CADPS: variants seen among roughly 807,000 people sequenced by gnomAD.
CADPS encodes the protein calcium dependent secretion activator, also known as calcium-dependent secretion activator 1.
In CADPS, 57 loss-of-function variants were observed where a neutral mutation model predicts 167.3. The ratio of observed to expected loss-of-function variants is 0.34; its 90% CI spans 0.28 to 0.42. CADPS has a LOEUF of 0.42. Ranked by LOEUF, CADPS falls within the 20% of genes least tolerant of loss-of-function variation. The pLI, the probability that CADPS is intolerant of heterozygous loss-of-function variation, is 1.00. For missense variants in CADPS, 1,414 were observed against 1,738.1 expected (o/e 0.81, Z 3.32); for synonymous variants, 676 against 635.3 (o/e 1.06, Z -0.96).
chr3:62,427,393 A>G (rs1237746537), intron 28 of CADPS, among the ~76,000 whole-genome samples: 3 of 152,188 alleles, frequency 2.0e-5, no homozygotes, highest in Non-Finnish European at 2.9e-5. Context: ...TTTAAACTCA[A>G]ATAATCCATT....
chr3:62,438,109 A>G lies in CADPS; in HGVS notation c.3772T>C (p.Phe1258Leu). The change falls in exon 28 of 30, where the codon TTT becomes CTT. Residue 1258 changes from phenylalanine to leucine, a missense_variant. Around this residue, in one of 6 missense-constraint regions of CADPS, gnomAD observed 185 missense variants for 251.5 expected, o/e 0.74. Transcript: ENST00000383710. The surrounding 1 kb of genome is among the most constrained non-coding windows in gnomAD (Gnocchi z 4.7). Reference protein sequence around the residue: ...VNEEMYIERLFDQWYNSSMNV... With the variant: ...VNEEMYIERLLDQWYNSSMNV... The stretch of plus-strand genomic sequence containing the variant: ...AGGAGAAGGCATTTACTTACATCAA[A>G]TAACCTTTCTATGTACATCTCCTCA... 1 of 1,610,070 alleles carries G rather than the reference A, an allele frequency of 6.2e-7. No individual in the cohort carries two copies. Among genetic ancestry groups the G allele is most frequent in the Non-Finnish European group, 8.5e-7 (1 of 1,176,756 alleles).
chr3:62,803,876 TC>T (rs2093929307), intron 1 of CADPS, among the ~76,000 whole-genome samples: 1 of 152,070 alleles, frequency 6.6e-6, no homozygotes, highest in Non-Finnish European at 1.5e-5. Flanking sequence ...TTTGCCAATT[TC>T]TAGTCCCTCA....
At chr3:62,584,768 T>C (rs937054297) in intron 8 of CADPS, among the ~76,000 whole-genome samples, 1 of 152,226 alleles carries the variant, frequency 6.6e-6, no homozygotes, top group African/African-American at 2.4e-5. Context: ...TGTGAGTTGA[T>C]TGAAGGTGGC....
intron 8 of CADPS, among the ~76,000 whole-genome samples, chr3:62,583,014 G>C (rs2083745662): frequency 6.6e-6 from 1 of 152,142 alleles, no homozygotes; most frequent in African/African-American, 2.4e-5. Context: ...TCCTAGTACA[G>C]TGCTTCAGAG....
chr3:62,547,883 G>A (rs2076756499), intron 11 of CADPS, among the ~76,000 whole-genome samples: 1 of 152,050 alleles, frequency 6.6e-6, no homozygotes, highest in East Asian at 1.9e-4. Flanking sequence ...TTTTACTCCT[G>A]AATGTCCTTC....
chr3:62,477,567 A>T (rs901056989), intron 23 of CADPS, among the ~76,000 whole-genome samples: 24 of 152,126 alleles, frequency 1.6e-4, no homozygotes, highest in African/African-American at 5.1e-4. Context: ...GAATGGATGA[A>T]TGTTGTCCTC....
chr3:62,473,962 C>T, intron 24 of CADPS: 1 of 447,876 alleles, frequency 2.2e-6, no homozygotes, highest in East Asian at 3.5e-5. Context: ...CCAAGAATCA[C>T]TTCCAAGTGA....
intron 3 of CADPS, among the ~76,000 whole-genome samples, chr3:62,674,742 T>C (rs1482999572): frequency 6.6e-6 from 1 of 152,178 alleles, no homozygotes; most frequent in Non-Finnish European, 1.5e-5. Context: ...TGTGTGCAAA[T>C]GCACAAAGGT....
chr3:62,514,647 T>C lies in CADPS; in HGVS notation c.2581+1412A>G, dbSNP rs903016666. On this transcript the variant is annotated intron_variant, in intron 16 of 29. Transcript: ENST00000383710. This position sits in a 1 kb window ranked among gnomAD's most constrained non-coding sequence, Gnocchi z 4.2. Reference sequence around the variant, plus strand: ...AAGTTTGTTTTTGGATAGATTTATCTGAAAGAAGAGAGCAGATCTTACCAA... The same window carrying C: ...AAGTTTGTTTTTGGATAGATTTATCCGAAAGAAGAGAGCAGATCTTACCAA... 6.6e-6 allele frequency among the ~76,000 whole-genome samples: 1 copy of C among 152,138 alleles called. No individual in the cohort carries two copies.
chr3:62,822,318 C>T (rs552596851), intron 1 of CADPS, among the ~76,000 whole-genome samples: 1 of 152,240 alleles, frequency 6.6e-6, no homozygotes, highest in South Asian at 2.1e-4. Flanking sequence ...CCTCAAATGC[C>T]TAATTACTTA....
intron 1 of CADPS, among the ~76,000 whole-genome samples, chr3:62,788,914 T>C (rs2092698612): frequency 6.6e-6 from 1 of 152,194 alleles, no homozygotes; most frequent in African/African-American, 2.4e-5. Flanking sequence ...TCGTCTTAAG[T>C]AGGACTGCAA....
intron 23 of CADPS, among the ~76,000 whole-genome samples, chr3:62,474,537 G>A (rs941512082): frequency 5.9e-5 from 9 of 152,086 alleles, no homozygotes; most frequent in Non-Finnish European, 1.0e-4. Context: ...GGCAGTACCC[G>A]GAACACTTGT....
At chr3:62,579,703 G>T (rs933054902) in intron 8 of CADPS, among the ~76,000 whole-genome samples, 7 of 152,160 alleles carry the variant, frequency 4.6e-5, no homozygotes, top group Non-Finnish European at 8.8e-5. Flanking sequence ...ATCAAGACCA[G>T]GTACGTAGGG....
intron 28 of CADPS, among the ~76,000 whole-genome samples, chr3:62,405,646 A>C (rs1708213183): frequency 6.6e-6 from 1 of 152,190 alleles, no homozygotes; most frequent in African/African-American, 2.4e-5. Flanking sequence ...TCAGTGCATC[A>C]CACGCAGCCT....
chr3:62,695,461 T>C lies in CADPS; in HGVS notation c.889-33067A>G, dbSNP rs577884699. 7.7e-4 allele frequency among the ~76,000 whole-genome samples: 117 copies of C among 152,212 alleles called. 1 individual carries two copies. In the South Asian group the frequency reaches 0.011, roughly 15 times the overall value. ...CATTAATACGGCCAGGCTTTATCCATATCTAGGAAAGATAAACTGAGTCTG... is the reference window on the plus strand; with the variant it reads ...CATTAATACGGCCAGGCTTTATCCACATCTAGGAAAGATAAACTGAGTCTG... On this transcript the variant is annotated intron_variant, in intron 3 of 29. Coordinates refer to ENST00000383710, the MANE Select transcript of CADPS (RefSeq NM_003716.4).
intron 1 of CADPS, among the ~76,000 whole-genome samples, chr3:62,780,282 G>A (rs947201869): frequency 2.2e-4 from 33 of 152,270 alleles, no homozygotes; most frequent in Non-Finnish European, 4.3e-4. Flanking sequence ...GCCAGGCATA[G>A]TGGTGCATGA....
At chr3:62,520,953 G>A (rs1219841760) in intron 13 of CADPS, among the ~76,000 whole-genome samples, 1 of 152,168 alleles carries the variant, frequency 6.6e-6, no homozygotes, top group Admixed American at 6.5e-5. Context: ...GATCTCTATA[G>A]AACTATTAAC....
intron 11 of CADPS, among the ~76,000 whole-genome samples, chr3:62,538,664 G>A (rs1479202207): frequency 6.6e-6 from 1 of 152,042 alleles, no homozygotes; most frequent in Non-Finnish European, 1.5e-5. Flanking sequence ...AGTTTGGCTT[G>A]GCTATTTTAT....
chr3:62,445,565 T>C (rs574718669), intron 27 of CADPS, among the ~76,000 whole-genome samples, 200 bp downstream of exon 27: 1 of 152,080 alleles, frequency 6.6e-6, no homozygotes, highest in South Asian at 2.1e-4. Context: ...AAAGAAACCA[T>C]ACCGTCTTCT....
Sources: allele counts gnomAD v4.1 joint callset (sites outside exome capture counted in the v4.1 genomes callset), GRCh38; gene constraint gnomAD v4.1.1; regional missense constraint gnomAD v4.1.1; non-coding constraint Gnocchi (gnomAD v3.1); transcripts MANE v1.5; gene names NCBI Gene and HGNC (gene_info 2026-07-23, HGNC 2026-07-21).